TBC1D12: variants seen among roughly 807,000 people sequenced by gnomAD.
TBC1D12 encodes the protein TBC1 domain family member 12.
A neutral mutation model predicts 86.7 loss-of-function variants in TBC1D12; 56 were observed. The ratio of observed to expected loss-of-function variants is 0.65; its 90% CI spans 0.52 to 0.81. TBC1D12 has a LOEUF of 0.81. TBC1D12 is among the 30% of genes least tolerant of loss of function. The pLI is 0.00. For synonymous variants in TBC1D12, 421 were observed against 411.7 expected, an observed-to-expected ratio of 1.02 and a Z score of -0.27; for missense variants, 1,023 against 1,038.8, an observed-to-expected ratio of 0.98 and a Z score of 0.21.
chr10:94,417,442 TAG>T (rs2055014000), intron 1 of TBC1D12, among the ~76,000 whole-genome samples: 1 of 152,120 alleles, frequency 6.6e-6, no homozygotes, highest in South Asian at 2.1e-4. Flanking sequence ...GATATGAAAA[TAG>T]AGTCATGTGA....
intron 1 of TBC1D12, among the ~76,000 whole-genome samples, chr10:94,434,771 G>T (rs1194928927): frequency 6.6e-6 from 1 of 152,118 alleles, no homozygotes; most frequent in East Asian, 1.9e-4. Flanking sequence ...GCTGGGTGTT[G>T]TGGTGTGTGC....
chr10:94,514,750 C>T (rs7096007), intron 9 of TBC1D12, among the ~76,000 whole-genome samples: 103,808 of 152,030 alleles, frequency 0.68, 36,106 homozygotes, highest in African/African-American at 0.82. Flanking sequence ...ATCTTTTTGA[C>T]ATACCGATTT....
At chr10:94,532,633 G>T (rs1007756432) in intron 12 of TBC1D12, among the ~76,000 whole-genome samples, 1 of 152,202 alleles carries the variant, frequency 6.6e-6, no homozygotes, top group Non-Finnish European at 1.5e-5. Flanking sequence ...GTAGTTGAAA[G>T]AATATATAAT....
chr10:94,494,549 T>A (rs530663407), intron 4 of TBC1D12, among the ~76,000 whole-genome samples: 2 of 152,300 alleles, frequency 1.3e-5, no homozygotes, highest in Admixed American at 6.5e-5. Flanking sequence ...TTATTACTTA[T>A]TTTTATTTTT....
chr10:94,430,706 A>G (rs904515549), intron 1 of TBC1D12, among the ~76,000 whole-genome samples: 2 of 152,212 alleles, frequency 1.3e-5, no homozygotes, highest in African/African-American at 4.8e-5. Context: ...CCCAACCTGT[A>G]TTATAAAAGC....
chr10:94,532,946 G>A, intron 12 of TBC1D12, 82 bp from the exon 13 acceptor site: 2 of 785,886 alleles, frequency 2.5e-6, no homozygotes, highest in East Asian at 2.9e-5. Context: ...GCTTTTTCAT[G>A]TTTATGAACT....
At chr10:94,469,821 C>G (rs935702439) in intron 2 of TBC1D12, among the ~76,000 whole-genome samples, 8 of 152,144 alleles carry the variant, frequency 5.3e-5, no homozygotes, top group Non-Finnish European at 1.0e-4. Flanking sequence ...TTTGGCCTGT[C>G]CAAACTAACA....
At chr10:94,493,153 C>G (rs949908673) in intron 3 of TBC1D12, among the ~76,000 whole-genome samples, 1 of 39,608 alleles carries the variant, frequency 2.5e-5, no homozygotes, top group African/African-American at 6.7e-5. Flanking sequence ...CATAGAACTA[C>G]ACACACACAC....
At position 94,522,427 on chromosome 10, in the gene TBC1D12, T is replaced by G; in HGVS notation, c.1974T>G (p.Leu658=). Residue 658 remains leucine (L), a synonymous_variant, in exon 11 of 13, where the codon CTT becomes CTG. Transcript: ENST00000225235. Reference sequence around the variant, plus strand: ...TTCTTCACTTCAAATCTTACAGTCTTACACCAGATATATACTTGATAGACT... The same window carrying G: ...TTCTTCACTTCAAATCTTACAGTCTGACACCAGATATATACTTGATAGACT... ...KLFLHFKSYS[L]TPDIYLIDWI... The G allele has an allele frequency of 7.2e-7, 1 of 1,395,758 alleles. No homozygotes were observed. Among genetic ancestry groups the G allele is most frequent in the Non-Finnish European group, 9.9e-7 (1 of 1,014,484 alleles). 86.5% of individuals were successfully genotyped at this position (1,395,758 alleles called of 1,614,324 possible). A position where few individuals can be genotyped will look rare whatever the true frequency, so the allele number is the denominator to read the frequency against.
chr10:94,470,690 C>CTT (rs35586245), intron 2 of TBC1D12, among the ~76,000 whole-genome samples: 2,426 of 105,794 alleles, frequency 0.023, 88 homozygotes, highest in African/African-American at 0.076. Flanking sequence ...ATTTGTAATT[C>CTT]TTTTTTTTTT....
chr10:94,402,772 C>G lies in TBC1D12; in HGVS notation c.159C>G (p.Asp53Glu), dbSNP rs1198005058. ...CTGTGGAGCCGCCGGAGGAGGCTGA[C>G]GAGGAGGAGGAGGCTGACGAGGAGG... ...VGAVEPPEEA[D>E]EEEEADEEEE... The change falls in exon 1 of 13, where the codon GAC becomes GAG. Residue 53 changes from aspartate to glutamate, a missense_variant. Physicochemically the swap from Asp to Glu is conservative, Grantham distance 45. This residue lies in a region of TBC1D12 where 628 missense variants were observed against 531.1 expected (regional missense o/e 1.18). Transcript: ENST00000225235. 1.3e-6 allele frequency: 2 copies of G among 1,529,184 alleles called. No individual in the cohort carries two copies. Among genetic ancestry groups the G allele is most frequent in the South Asian group, 1.2e-5 (1 of 84,064 alleles). 94.7% of individuals were successfully genotyped at this position (1,529,184 alleles called of 1,614,324 possible).
chr10:94,501,439 GA>G (rs994275951), intron 6 of TBC1D12: 173 of 146,458 alleles, frequency 1.2e-3, no homozygotes, highest in Middle Eastern at 3.5e-3. Flanking sequence ...CTCAAAAAAA[GA>G]AAAAAAAAAC....
chr10:94,413,639 C>T (rs2054956748), intron 1 of TBC1D12, among the ~76,000 whole-genome samples: 1 of 152,020 alleles, frequency 6.6e-6, no homozygotes, highest in South Asian at 2.1e-4. Flanking sequence ...GAGAAGTTTA[C>T]CTTAGGAAAT....
At chr10:94,524,828 T>A (rs1210304081) in intron 11 of TBC1D12, among the ~76,000 whole-genome samples, 1 of 152,000 alleles carries the variant, frequency 6.6e-6, no homozygotes, top group African/African-American at 2.4e-5. Flanking sequence ...AAAAATTTTT[T>A]TTTTATTTTT....
intron 2 of TBC1D12, among the ~76,000 whole-genome samples, chr10:94,447,936 CTT>C (rs947778672): frequency 1.3e-5 from 2 of 150,426 alleles, no homozygotes; most frequent in African/African-American, 4.9e-5. Context: ...CTCAGTGAAA[CTT>C]ACCTTTTTTT....
chr10:94,471,213 T>C (rs1276354389), intron 2 of TBC1D12, among the ~76,000 whole-genome samples: 1 of 151,062 alleles, frequency 6.6e-6, no homozygotes, highest in African/African-American at 2.4e-5. Flanking sequence ...GAGGTGGAGG[T>C]TGCAGAGAGC....
At chr10:94,412,017 G>C (rs1356973792) in intron 1 of TBC1D12, among the ~76,000 whole-genome samples, 1 of 152,148 alleles carries the variant, frequency 6.6e-6, no homozygotes, top group Non-Finnish European at 1.5e-5. Context: ...TTAGTGAATT[G>C]CTTAATCCTA....
At chr10:94,409,545 T>C (rs1264786511) in intron 1 of TBC1D12, among the ~76,000 whole-genome samples, 1 of 151,914 alleles carries the variant, frequency 6.6e-6, no homozygotes, top group Non-Finnish European at 1.5e-5. Flanking sequence ...CTAATTTTGT[T>C]TTGTATTTTT....
chr10:94,522,689 G>A (rs958587196), intron 11 of TBC1D12, among the ~76,000 whole-genome samples: 6 of 152,018 alleles, frequency 3.9e-5, no homozygotes, highest in Admixed American at 2.0e-4. Context: ...CGAGGTGGGC[G>A]GATCACCTGA....
Sources: gnomAD v4.1 joint callset for allele counts (sites outside exome capture counted in the v4.1 genomes callset) on GRCh38, gnomAD v4.1.1 for gene constraint, gnomAD v4.1.1 regional missense constraint, MANE v1.5 for transcripts, NCBI Gene and HGNC (gene_info 2026-07-23, HGNC 2026-07-21) for gene names.